ODAD2: variants seen among roughly 807,000 people sequenced by gnomAD.
ODAD2 encodes the protein outer dynein arm docking complex subunit 2.
In ODAD2, 89 loss-of-function variants were observed where a neutral mutation model predicts 106.8. That is an observed-to-expected ratio of 0.83 (90% CI 0.70 to 0.99). The LOEUF (loss-of-function observed/expected upper bound fraction) is 0.99. Ranked by LOEUF, ODAD2 falls within the 50% of genes least tolerant of loss-of-function variation. The pLI is 0.00. For synonymous variants in ODAD2, 404 were observed against 436.2 expected (o/e 0.93, Z 0.92); for missense variants, 1,168 against 1,238.5 (o/e 0.94, Z 0.85).
chr10:27,937,346 T>C (rs1264906515), intron 14 of ODAD2, among the ~76,000 whole-genome samples: 1 of 150,066 alleles, frequency 6.7e-6, no homozygotes, highest in East Asian at 1.9e-4. Flanking sequence ...TTTCTTTTTT[T>C]TTTTTTTTTG....
chr10:27,921,796 C>G (rs1590026039), intron 16 of ODAD2, among the ~76,000 whole-genome samples: 1 of 144,052 alleles, frequency 6.9e-6, no homozygotes, highest in South Asian at 2.2e-4. Flanking sequence ...TCAGACTTTT[C>G]AAAAAAATGT....
upstream of ODAD2, chr10:27,999,125 C>T (rs1850733331): frequency 6.6e-6 from 1 of 152,608 alleles, no homozygotes; most frequent in South Asian, 2.1e-4. Flanking sequence ...CTCGGCCCCT[C>T]CCGGGAAACA....
intron 6 of ODAD2, among the ~76,000 whole-genome samples, chr10:27,982,134 TCCCTAC>T (rs965383567): frequency 6.6e-6 from 1 of 152,000 alleles, no homozygotes; most frequent in African/African-American, 2.4e-5. Context: ...TTCCTTTTCT[TCCCTAC>T]CTCTATTGTT....
intron 17 of ODAD2, among the ~76,000 whole-genome samples, chr10:27,902,387 A>C (rs1027137974): frequency 5.9e-5 from 9 of 152,216 alleles, no homozygotes; most frequent in Non-Finnish European, 1.2e-4. Context: ...AATTATAAGA[A>C]CTAGATAAGC....
intron 19 of ODAD2, among the ~76,000 whole-genome samples, chr10:27,832,107 A>G (rs376631473): frequency 6.7e-4 from 102 of 152,372 alleles, no homozygotes; most frequent in African/African-American, 2.5e-3. Context: ...TTTGAAGTTC[A>G]GATGCTTGGC....
chr10:27,845,292 C>A (rs1000291822), intron 19 of ODAD2, among the ~76,000 whole-genome samples: 1 of 152,160 alleles, frequency 6.6e-6, no homozygotes, highest in African/African-American at 2.4e-5. Flanking sequence ...AAAGAATTTT[C>A]AACCCAGAAT....
In ODAD2 at chr10:27,980,050, A is replaced by G. The variant is rs1278899848; in HGVS notation, c.936+1416T>C. Among the ~76,000 whole-genome samples the G allele has an allele frequency of 3.9e-5, 6 of 152,220 alleles. No homozygotes were observed. The East Asian group carries it at 1.2e-3, about 29-fold the overall frequency. On this transcript the variant is annotated intron_variant, in intron 7 of 19. Transcript: ENST00000305242. ...TCCATCTATGATCAATTGATTTTCA[A>G]CAAGAATGCTGAGACCATCCAAAAG...
intron 17 of ODAD2, among the ~76,000 whole-genome samples, chr10:27,885,811 ATT>A (rs1222089358): frequency 2.3e-5 from 2 of 87,622 alleles, no homozygotes; most frequent in African/African-American, 9.3e-5. Context: ...TAAAATATAT[ATT>A]ATATATAATA....
At chr10:27,935,645 G>A (rs949947996) in intron 15 of ODAD2, among the ~76,000 whole-genome samples, 1 of 149,946 alleles carries the variant, frequency 6.7e-6, no homozygotes, top group East Asian at 1.9e-4. Flanking sequence ...TGGCTCTATT[G>A]TACCTATTTG....
intron 19 of ODAD2, among the ~76,000 whole-genome samples, chr10:27,845,446 G>T (rs1055881033): frequency 1.3e-5 from 2 of 152,102 alleles, no homozygotes; most frequent in African/African-American, 4.8e-5. Flanking sequence ...AGGAACAGCT[G>T]GTACCAGCCA....
chr10:27,895,013 TAGAG>T (rs1161818392), intron 17 of ODAD2, among the ~76,000 whole-genome samples: 2 of 143,084 alleles, frequency 1.4e-5, no homozygotes, highest in Non-Finnish European at 3.0e-5. Flanking sequence ...CAGAGAGAAT[TAGAG>T]AGAGACTCAC....
intron 14 of ODAD2, among the ~76,000 whole-genome samples, chr10:27,938,097 G>A (rs890608710): frequency 3.9e-5 from 6 of 151,960 alleles, no homozygotes; most frequent in African/African-American, 1.5e-4. Context: ...CACCACACCT[G>A]GCTAATTGTT....
intron 19 of ODAD2, among the ~76,000 whole-genome samples, chr10:27,845,215 A>T (rs1838639874): frequency 6.6e-6 from 1 of 152,212 alleles, no homozygotes; most frequent in African/African-American, 2.4e-5. Flanking sequence ...AGACTAACAG[A>T]GGATCTCTTG....
At chr10:27,918,361 A>G (rs1844540856) in intron 16 of ODAD2, among the ~76,000 whole-genome samples, 1 of 151,968 alleles carries the variant, frequency 6.6e-6, no homozygotes, top group Non-Finnish European at 1.5e-5. Context: ...AGTTTGGCTC[A>G]TCCTTCCAAA....
intron 19 of ODAD2, among the ~76,000 whole-genome samples, chr10:27,815,696 C>CA (rs1836075972): frequency 6.6e-6 from 1 of 152,194 alleles, no homozygotes; most frequent in African/African-American, 2.4e-5. Flanking sequence ...CTGCTTCCCC[C>CA]AAACAAAAAT....
At chr10:27,989,475 C>G (rs946124090) in intron 2 of ODAD2, among the ~76,000 whole-genome samples, 20 of 152,092 alleles carry the variant, frequency 1.3e-4, no homozygotes, top group Admixed American at 2.0e-4. Flanking sequence ...TTTTTAAAGG[C>G]CTGTTACCTA....
intron 2 of ODAD2, among the ~76,000 whole-genome samples, chr10:27,991,738 A>G (rs1295535900): frequency 1.3e-5 from 2 of 152,206 alleles, no homozygotes; most frequent in African/African-American, 4.8e-5. Flanking sequence ...TAAAGTATCC[A>G]AGGACATTCC....
At chr10:27,862,987 G>A (rs760438280) in intron 17 of ODAD2, among the ~76,000 whole-genome samples, 18 of 152,178 alleles carry the variant, frequency 1.2e-4, no homozygotes, top group Non-Finnish European at 5.9e-5. Context: ...CACTGAATCA[G>A]CCAATACTAA....
Position 27,812,460 on chromosome 10 carries a change from G to A in ODAD2, c.*52C>T. On this transcript the variant is annotated 3_prime_UTR_variant, in exon 20 of 20. Coordinates refer to ENST00000305242, the MANE Select transcript of ODAD2 (RefSeq NM_018076.5). The stretch of plus-strand genomic sequence containing the variant: ...ATTTAGGCTTTCTGGCCATGGGAGT[G>A]ACATGTCCTGTGTCATGTAGAATTT... 1 of 1,542,158 alleles carries A rather than the reference G, an allele frequency of 6.5e-7. No individual in the cohort carries two copies. Among genetic ancestry groups the A allele is most frequent in the Non-Finnish European group, 8.9e-7 (1 of 1,128,802 alleles).
Sources: allele counts gnomAD v4.1 joint callset (sites outside exome capture counted in the v4.1 genomes callset), GRCh38; gene constraint gnomAD v4.1.1; transcripts MANE v1.5; gene names NCBI Gene and HGNC (gene_info 2026-07-23, HGNC 2026-07-21).